Variants in RAB2A observed in about 807,000 individuals in gnomAD.
The protein encoded by RAB2A is ras-related protein Rab-2A.
A neutral mutation model predicts 32.5 loss-of-function variants in RAB2A; 7 were observed. The observed-to-expected ratio is 0.22, with a 90% confidence interval of 0.12 to 0.40. RAB2A has a LOEUF of 0.40. Among genes scored for constraint, RAB2A ranks in the 10% least tolerant of loss-of-function variants. The pLI, the probability that RAB2A is intolerant of heterozygous loss-of-function variation, is 1.00. For missense variants in RAB2A, 108 were observed against 260.7 expected (o/e 0.41, Z 4.03); for synonymous variants, 79 against 85.2 (o/e 0.93, Z 0.40).
chr8:60,579,931 G>A (rs1803712636), intron 3 of RAB2A, among the ~76,000 whole-genome samples: 1 of 150,888 alleles, frequency 6.6e-6, no homozygotes, highest in African/African-American at 2.4e-5. Flanking sequence ...CTGGCCCTAG[G>A]TTAACATTTT....
At chr8:60,560,879 A>G (rs2130832047) in intron 2 of RAB2A, among the ~76,000 whole-genome samples, 1 of 152,268 alleles carries the variant, frequency 6.6e-6, no homozygotes, top group Middle Eastern at 3.4e-3. Flanking sequence ...ACTTGCGGGG[A>G]AAGAGAAAGG....
intron 1 of RAB2A, among the ~76,000 whole-genome samples, chr8:60,531,825 G>A (rs147085422): frequency 2.5e-3 from 358 of 141,028 alleles, no homozygotes; most frequent in African/African-American, 9.2e-3. Context: ...TTTTTAACAC[G>A]GATTTTCGCT....
At chr8:60,550,898 C>T (rs556055797) in intron 1 of RAB2A, among the ~76,000 whole-genome samples, 1 of 152,306 alleles carries the variant, frequency 6.6e-6, no homozygotes, top group African/African-American at 2.4e-5. Context: ...ATGACTCTCC[C>T]TGCCTCCTGT....
At chr8:60,565,240 A>G (rs1001817142) in intron 2 of RAB2A, among the ~76,000 whole-genome samples, 15 of 152,082 alleles carry the variant, frequency 9.9e-5, no homozygotes, top group Admixed American at 3.9e-4. Flanking sequence ...GCAACAAAGC[A>G]AGATCCCATC....
At chr8:60,563,220 TA>T (rs547741125) in intron 2 of RAB2A, among the ~76,000 whole-genome samples, 113 of 152,320 alleles carry the variant, frequency 7.4e-4, no homozygotes, top group Non-Finnish European at 1.3e-3. Context: ...TAAAAGTTTT[TA>T]AAAGCCTCTA....
rs1269922270 is a variant in RAB2A at position 60,606,378 on chromosome 8, AT to A, written c.475-12198del. 3.3e-5 allele frequency among the ~76,000 whole-genome samples: 5 copies of A among 152,214 alleles called. No homozygotes were observed. The East Asian group carries it at 9.6e-4, about 29-fold the overall frequency. The stretch of plus-strand genomic sequence containing the variant: ...AATCCTACAGTGAATACTCTTAAAT[AT>A]TTTAGTATCTGTCCAGATGATATTG... On this transcript the variant is annotated intron_variant, in intron 6 of 7. Transcript: ENST00000262646.
intron 6 of RAB2A, among the ~76,000 whole-genome samples, chr8:60,603,856 A>G (rs552387959): frequency 6.6e-6 from 1 of 152,298 alleles, no homozygotes; most frequent in Admixed American, 6.5e-5. Context: ...CCCTGTCTCT[A>G]TTTAAAAAGA....
Position 60,539,997 on chromosome 8 carries a change from G to A in RAB2A, c.47-18855G>A, listed in dbSNP as rs1033159289. ...ACATGGTGGACCTAGGGAGGTACATGTGACAGGTTAAGGTAGAGTTTGAAC... is the reference window on the plus strand; with the variant it reads ...ACATGGTGGACCTAGGGAGGTACATATGACAGGTTAAGGTAGAGTTTGAAC... On this transcript the variant is annotated intron_variant, in intron 1 of 7. Transcript: ENST00000262646. 6.6e-5 allele frequency among the ~76,000 whole-genome samples: 10 copies of A among 151,888 alleles called. No individual in the cohort carries two copies. The South Asian group carries it at 1.9e-3, about 29-fold the overall frequency.
intron 2 of RAB2A, among the ~76,000 whole-genome samples, chr8:60,562,600 A>T (rs906450972): frequency 6.6e-6 from 1 of 152,200 alleles, no homozygotes; most frequent in Non-Finnish European, 1.5e-5. Context: ...CACTATGCAG[A>T]GTCTCAATAT....
chr8:60,591,902 C>T lies in RAB2A; in HGVS notation c.407C>T (p.Ala136Val). ...GAAGTAAAAAAAGAAGAAGGTGAAGCTTTTGCACGAGAACATGGACTCATC... is the reference window on the plus strand; with the variant it reads ...GAAGTAAAAAAAGAAGAAGGTGAAGTTTTTGCACGAGAACATGGACTCATC... ...RREVKKEEGE[A>V]FAREHGLIFM... Residue 136 changes from alanine (A) to valine (V), a missense_variant, in exon 6 of 8, where the codon GCT becomes GTT. Ala to Val is a moderately conservative substitution (Grantham distance 64). This residue lies in a region of RAB2A where 79 missense variants were observed against 199.8 expected (regional missense o/e 0.40). Coordinates refer to ENST00000262646, the MANE Select transcript of RAB2A (RefSeq NM_002865.3). 1 of 1,612,846 alleles carries T rather than the reference C, an allele frequency of 6.2e-7. No individual in the cohort carries two copies. The highest frequency in any genetic ancestry group is 8.5e-7 in the Non-Finnish European group (1 of 1,179,170).
intron 4 of RAB2A, 113 bp from the exon 5 acceptor site, chr8:60,584,610 G>A (rs1215424056): frequency 7.3e-6 from 6 of 826,466 alleles, no homozygotes; most frequent in East Asian, 5.4e-5. Context: ...ACTACTTCTC[G>A]TTACATAAGT....
At chr8:60,605,286 T>A (rs1804207950) in intron 6 of RAB2A, among the ~76,000 whole-genome samples, 1 of 152,146 alleles carries the variant, frequency 6.6e-6, no homozygotes, top group South Asian at 2.1e-4. Flanking sequence ...AGAGAATGTA[T>A]GGAAAACTTT....
chr8:60,584,040 G>A, intron 3 of RAB2A, 168 bp from the exon 4 acceptor site: 1 of 564,950 alleles, frequency 1.8e-6, no homozygotes. Context: ...GAGCAATCTT[G>A]AGCAATAGCG....
intron 1 of RAB2A, among the ~76,000 whole-genome samples, chr8:60,545,438 A>G (rs1460339351): frequency 6.6e-6 from 1 of 151,852 alleles, no homozygotes; most frequent in Non-Finnish European, 1.5e-5. Context: ...GACTACTGCC[A>G]TGCACCACCA....
At chr8:60,592,337 C>T (rs1317050470) in intron 6 of RAB2A, among the ~76,000 whole-genome samples, 2 of 152,090 alleles carry the variant, frequency 1.3e-5, no homozygotes, top group East Asian at 3.9e-4. Flanking sequence ...AAAATGGCTT[C>T]TCTGGGAACC....
At chr8:60,578,921 C>T (rs1803687443) in intron 3 of RAB2A, among the ~76,000 whole-genome samples, 1 of 152,182 alleles carries the variant, frequency 6.6e-6, no homozygotes, top group Non-Finnish European at 1.5e-5. Flanking sequence ...CACAAATGTT[C>T]CGTGACTTTA....
chr8:60,569,102 A>G (rs141110543), intron 2 of RAB2A, among the ~76,000 whole-genome samples: 102 of 152,354 alleles, frequency 6.7e-4, no homozygotes, highest in Non-Finnish European at 1.2e-3. Flanking sequence ...GGAAAGAGTT[A>G]TATTTCTGAA....
chr8:60,587,065 C>T (rs893953697), intron 5 of RAB2A, among the ~76,000 whole-genome samples: 7 of 151,960 alleles, frequency 4.6e-5, no homozygotes, highest in African/African-American at 1.7e-4. Flanking sequence ...ATAGCCAAAT[C>T]AACTTTGACA....
At chr8:60,616,685 T>C (rs1217177353) in intron 6 of RAB2A, among the ~76,000 whole-genome samples, 1 of 152,232 alleles carries the variant, frequency 6.6e-6, no homozygotes, top group African/African-American at 2.4e-5. Flanking sequence ...TTAATTCTTC[T>C]CATTATTTTG....
Sources: allele counts gnomAD v4.1 joint callset (sites outside exome capture counted in the v4.1 genomes callset), GRCh38; gene constraint gnomAD v4.1.1; regional missense constraint gnomAD v4.1.1; transcripts MANE v1.5; gene names NCBI Gene and HGNC (gene_info 2026-07-23, HGNC 2026-07-21).